The following SAMD12 variants were observed in gnomAD, a reference collection of about 807,000 sequenced individuals.
SAMD12 encodes sterile alpha motif domain-containing protein 12.
Under a neutral mutation model 15.0 loss-of-function variants are expected in SAMD12, and 9 were observed. The ratio of observed to expected loss-of-function variants is 0.60; its 90% confidence interval spans 0.36 to 1.05. SAMD12 has a LOEUF of 1.05. Ranked by LOEUF, SAMD12 falls within the 50% of genes least tolerant of loss-of-function variation. The pLI is 0.01. For missense variants in SAMD12, 230 were observed against 234.2 expected, an observed-to-expected ratio of 0.98 and a Z score of 0.12; for synonymous variants, 86 against 90.1, an observed-to-expected ratio of 0.96 and a Z score of 0.25.
chr8:118,578,113 AC>A (rs760685431), intron 2 of SAMD12, among the ~76,000 whole-genome samples: 2 of 152,146 alleles, frequency 1.3e-5, no homozygotes, highest in Non-Finnish European at 2.9e-5. Context: ...ATAAACGGAA[AC>A]ATACAATATC....
chr8:118,323,263 T>C (rs11782250), intron 4 of SAMD12, among the ~76,000 whole-genome samples: 72,668 of 151,996 alleles, frequency 0.48, 19,411 homozygotes, highest in African/African-American at 0.74. Flanking sequence ...TTAACAAATA[T>C]ATATGCCCTA....
chr8:118,187,670 C>T (rs1195034150), downstream of SAMD12, among the ~76,000 whole-genome samples: 2 of 152,114 alleles, frequency 1.3e-5, no homozygotes, highest in Non-Finnish European at 2.9e-5. Context: ...GCTGAGATGA[C>T]AGGAAGGCTT....
At chr8:118,329,501 T>C (rs1335419743) in intron 4 of SAMD12, among the ~76,000 whole-genome samples, 1 of 152,188 alleles carries the variant, frequency 6.6e-6, no homozygotes, top group Non-Finnish European at 1.5e-5. Flanking sequence ...GGAACATCAG[T>C]GGCATCTTCA....
At chr8:118,492,929 A>G (rs571448323) in intron 2 of SAMD12, among the ~76,000 whole-genome samples, 195 of 152,294 alleles carry the variant, frequency 1.3e-3, no homozygotes, top group African/African-American at 4.3e-3. Flanking sequence ...AAAATCTCCA[A>G]TCAAAGATAC....
chr8:118,135,126 C>T, the SAMD12 span, among the ~76,000 whole-genome samples: 1 of 152,110 alleles, frequency 6.6e-6, no homozygotes, highest in Admixed American at 6.5e-5. Flanking sequence ...TTAATTGGTA[C>T]AATATAGGCA....
chr8:118,326,707 T>C (rs1816581568), intron 4 of SAMD12, among the ~76,000 whole-genome samples: 1 of 151,990 alleles, frequency 6.6e-6, no homozygotes. Context: ...ACATATGTTT[T>C]CCTGGTTCGT....
At chr8:118,261,911 A>T (rs1261466109) in intron 4 of SAMD12, among the ~76,000 whole-genome samples, 1 of 151,840 alleles carries the variant, frequency 6.6e-6, no homozygotes, top group African/African-American at 2.4e-5. Context: ...CCAATAGTCA[A>T]GATAGGGAAT....
intron 2 of SAMD12, among the ~76,000 whole-genome samples, chr8:118,511,864 C>T (rs1424741983): frequency 6.6e-6 from 1 of 152,138 alleles, no homozygotes; most frequent in African/African-American, 2.4e-5. Flanking sequence ...CAAATCTGCA[C>T]TGAACAAAGA....
chr8:118,143,985 G>A, the SAMD12 span, among the ~76,000 whole-genome samples: 1 of 152,094 alleles, frequency 6.6e-6, no homozygotes, highest in Admixed American at 6.6e-5. Context: ...AAAGGTGTTG[G>A]CGGGGCTGTG....
At chr8:118,176,073 G>A in the SAMD12 span, among the ~76,000 whole-genome samples, 10 of 152,242 alleles carry the variant, frequency 6.6e-5, no homozygotes, top group African/African-American at 1.9e-4. Context: ...AGGCCAAAGC[G>A]GGTGGATCAC....
intron 4 of SAMD12, among the ~76,000 whole-genome samples, chr8:118,250,213 G>A (rs1812788372): frequency 6.6e-6 from 1 of 152,196 alleles, no homozygotes; most frequent in South Asian, 2.1e-4. Context: ...GGAGTCCCAT[G>A]GAATAGAGAT....
rs534980901 is a variant in SAMD12, at chr8:118,552,643, C to T, written c.192+28072G>A. 6.6e-5 allele frequency among the ~76,000 whole-genome samples: 10 copies of T among 152,294 alleles called. No homozygotes were observed. In the South Asian group the frequency reaches 1.7e-3, roughly 25 times the overall value. ...CACAAGACAGGGATGCCCTCTCTCA[C>T]CACTCCTATTCAATGTAGTGTTGGA... On this transcript the variant is annotated intron_variant, in intron 2 of 3. Transcript: ENST00000314727.
chr8:118,321,037 C>G (rs987212608), intron 4 of SAMD12, among the ~76,000 whole-genome samples: 1 of 145,130 alleles, frequency 6.9e-6, no homozygotes, highest in South Asian at 2.1e-4. Flanking sequence ...AGTTTTGTAC[C>G]CTACATTTGT....
chr8:118,196,441 A>G (rs771593931), exon 5 of SAMD12: 1 of 152,220 alleles, frequency 6.6e-6, no homozygotes, highest in Non-Finnish European at 1.5e-5. Flanking sequence ...TAATGCTCAA[A>G]GACAAGCAAT....
intron 2 of SAMD12, among the ~76,000 whole-genome samples, chr8:118,462,129 TC>T (rs1823439775): frequency 6.6e-6 from 1 of 152,250 alleles, no homozygotes; most frequent in African/African-American, 2.4e-5. Context: ...TTCCTAAGCC[TC>T]CTTTATTTCA....
intron 3 of SAMD12, among the ~76,000 whole-genome samples, chr8:118,415,511 G>T (rs1174471695): frequency 6.9e-6 from 1 of 143,888 alleles, no homozygotes; most frequent in Non-Finnish European, 1.5e-5. Flanking sequence ...ATAATCAGTT[G>T]CTTTATATTC....
chr8:118,478,611 G>C (rs2515031), intron 2 of SAMD12, among the ~76,000 whole-genome samples: 66,983 of 152,132 alleles, frequency 0.44, 15,356 homozygotes, highest in African/African-American at 0.56. Context: ...AGTTAACTTA[G>C]CAAACATCAT....
intron 2 of SAMD12, among the ~76,000 whole-genome samples, chr8:118,551,236 C>T (rs1225563240): frequency 2.6e-5 from 4 of 151,986 alleles, no homozygotes; most frequent in Non-Finnish European, 5.9e-5. Context: ...TTTTTCAGCA[C>T]CACACCACAC....
chr8:118,209,257 C>T (rs934893310), intron 4 of SAMD12, among the ~76,000 whole-genome samples: 3 of 152,188 alleles, frequency 2.0e-5, no homozygotes, highest in Admixed American at 6.5e-5. Context: ...GAGCTCAAGT[C>T]GAGTTCCCCA....
Sources: gnomAD v4.1 joint callset for allele counts (sites outside exome capture counted in the v4.1 genomes callset) on GRCh38, gnomAD v4.1.1 for gene constraint, MANE v1.5 for transcripts, NCBI Gene and HGNC (gene_info 2026-07-23, HGNC 2026-07-21) for gene names.